PPP1R15B: variants seen among roughly 807,000 people sequenced by gnomAD.
PPP1R15B encodes the protein protein phosphatase 1, regulatory (inhibitor) subunit 15B.
In PPP1R15B, 31 loss-of-function variants were observed where a neutral mutation model predicts 53.9. The observed-to-expected ratio is 0.58, with a 90% CI of 0.43 to 0.78. The LOEUF (loss-of-function observed/expected upper bound fraction) is 0.78. Ranked by LOEUF, PPP1R15B falls within the 30% of genes least tolerant of loss-of-function variation. PPP1R15B has a pLI of 0.00. For missense variants in PPP1R15B, 928 were observed against 849.6 expected (o/e 1.09, Z -1.15); for synonymous variants, 345 against 329.1 (o/e 1.05, Z -0.52).
In PPP1R15B at chr1:204,404,568, T is replaced by C. The variant is rs1674234066; in HGVS notation, c.*1524A>G. ...AGCTTTTATAGTGTTGCATTCTCAA[T>C]GTGTTTAATTATGAATATATAAACA... On this transcript the variant is annotated 3_prime_UTR_variant, in exon 2 of 2. Transcript: ENST00000367188. 1 of 985,286 alleles carries C rather than the reference T, an allele frequency of 1.0e-6. No individual in the cohort carries two copies. The highest frequency in any genetic ancestry group is 1.7e-5 in the African/African-American group (1 of 57,212). The allele number at this position is 985,286 out of a possible 1,614,324, so 61.0% of individuals were successfully genotyped here. A position where few individuals can be genotyped will look rare whatever the true frequency, so the allele number is the denominator to read the frequency against.
chr1:204,402,226 A>C (rs1674189801), downstream of PPP1R15B, among the ~76,000 whole-genome samples: 1 of 152,222 alleles, frequency 6.6e-6, no homozygotes, highest in Non-Finnish European at 1.5e-5. Context: ...ATATATCTTA[A>C]TAACTTTTCT....
At chr1:204,402,717 T>C (rs1316530098), downstream of PPP1R15B, among the ~76,000 whole-genome samples, 1 of 147,912 alleles carries the variant, frequency 6.8e-6, no homozygotes, top group East Asian at 2.2e-4. Flanking sequence ...CCACCATACC[T>C]GGCCCACTTT....
At chr1:204,408,502 G>A (rs1020959139) in intron 1 of PPP1R15B, among the ~76,000 whole-genome samples, 2 of 152,172 alleles carry the variant, frequency 1.3e-5, no homozygotes, top group Non-Finnish European at 2.9e-5. Context: ...TTATGGTACT[G>A]TCCATTTGAA....
downstream of PPP1R15B, among the ~76,000 whole-genome samples, chr1:204,399,172 A>C (rs1300243957): frequency 2.0e-5 from 3 of 152,214 alleles, no homozygotes; most frequent in Admixed American, 2.0e-4. Flanking sequence ...TCACACATGT[A>C]ATCCCAGCAC....
rs752987530 is a variant in PPP1R15B, at chr1:204,411,169, C to T, written c.243G>A (p.Val81=). The change falls in exon 1 of 2, where the codon GTG becomes GTA. Residue 81 remains valine, a synonymous_variant. Transcript: ENST00000367188. ...LAPLPGLLQK[V]LIWSQLFGGM... ...CACCGAAAAGTTGGCTCCAAATTAG[C>T]ACCTTCTGAAGCAATCCGGGGAGCG... 88 of 1,614,112 alleles carry T rather than the reference C, an allele frequency of 5.5e-5. No individual in the cohort carries two copies. The highest frequency in any genetic ancestry group is 2.7e-5 in the African/African-American group (2 of 74,932).
chr1:204,403,938 G>A lies in PPP1R15B; in HGVS notation c.*2154C>T. 7 of 985,412 alleles carry A rather than the reference G, an allele frequency of 7.1e-6. No homozygotes were observed. The highest frequency in any genetic ancestry group is 8.4e-6 in the Non-Finnish European group (7 of 829,900). The allele number at this position is 985,412 out of a possible 1,614,324, so 61.0% of individuals were successfully genotyped here. On this transcript the variant is annotated 3_prime_UTR_variant, in exon 2 of 2. Transcript: ENST00000367188. Reference sequence around the variant, plus strand: ...TTTGGTAGTGAGGTTAGAATCCCATGGGGAACAATTTTCCAAAATCCAATG... The same window carrying A: ...TTTGGTAGTGAGGTTAGAATCCCATAGGGAACAATTTTCCAAAATCCAATG...
At chr1:204,403,302 T>C (rs1674208786), downstream of PPP1R15B, 4 of 484,464 alleles carry the variant, frequency 8.3e-6, no homozygotes, top group Non-Finnish European at 8.1e-6. Flanking sequence ...TTTGCAATTA[T>C]ACTAATCCTG....
At chr1:204,406,709 G>A (rs184415837) in intron 1 of PPP1R15B, among the ~76,000 whole-genome samples, 37 of 150,858 alleles carry the variant, frequency 2.5e-4, no homozygotes, top group Admixed American at 7.3e-4. Context: ...CCAATATCGC[G>A]CCACTACACT....
downstream of PPP1R15B, chr1:204,400,906 T>C (rs1022867360): frequency 2.5e-5 from 5 of 199,970 alleles, no homozygotes; most frequent in Non-Finnish European, 3.6e-5. Flanking sequence ...ACCTGAAAAA[T>C]TGTTCCAAAG....
At chr1:204,398,600 T>C (rs935906490), downstream of PPP1R15B, among the ~76,000 whole-genome samples, 3 of 152,178 alleles carry the variant, frequency 2.0e-5, no homozygotes, top group African/African-American at 7.2e-5. Flanking sequence ...CAGGCAGGCC[T>C]GGAATGGGCA....
At chr1:204,396,841 A>G (rs1419629399), downstream of PPP1R15B, among the ~76,000 whole-genome samples, 1 of 152,216 alleles carries the variant, frequency 6.6e-6, no homozygotes, top group Non-Finnish European at 1.5e-5. Flanking sequence ...GTGAGGAGGA[A>G]TAAGTTCAAG....
rs1292183363 is a variant in PPP1R15B, at chr1:204,407,074, A to G, written c.1921-761T>C. On this transcript the variant is annotated intron_variant, in intron 1 of 1. Coordinates refer to ENST00000367188, the MANE Select transcript of PPP1R15B (RefSeq NM_032833.5). ...CAAAATATTTCTGAAAATAACCACT[A>G]TATCCCTGGAAGTCACTGTTTTTAT... is the stretch of plus-strand genomic sequence containing the variant. Among the ~76,000 whole-genome samples, 3 of 152,304 alleles carry G rather than the reference A, an allele frequency of 2.0e-5. No homozygotes were observed. In the East Asian group the frequency reaches 5.8e-4, roughly 29 times the overall value.
At chr1:204,406,350 G>T in intron 1 of PPP1R15B, 37 bp from the exon 2 acceptor site, 1 of 1,606,538 alleles carries the variant, frequency 6.2e-7, no homozygotes, top group Non-Finnish European at 8.5e-7. Flanking sequence ...AACTGTCTAG[G>T]ATCTTACAAT....
At chr1:204,408,771 G>A (rs2103446518) in intron 1 of PPP1R15B, among the ~76,000 whole-genome samples, 1 of 152,290 alleles carries the variant, frequency 6.6e-6, no homozygotes, top group Admixed American at 6.5e-5. Context: ...GACTAGCCTG[G>A]GAAAAGGAAG....
At chr1:204,407,006 A>C (rs767177839) in intron 1 of PPP1R15B, among the ~76,000 whole-genome samples, 2 of 152,018 alleles carry the variant, frequency 1.3e-5, no homozygotes, top group Non-Finnish European at 2.9e-5. Flanking sequence ...TTTAATCCTT[A>C]GGGAAATACA....
At position 204,410,730 on chromosome 1, in the gene PPP1R15B, G is replaced by C; in HGVS notation, c.682C>G (p.Leu228Val). Residue 228 changes from leucine (L) to valine (V), a missense_variant, in exon 1 of 2, where the codon CTG (leucine) becomes GTG (valine). Physicochemically the swap from Leu to Val is conservative, Grantham distance 32. Transcript: ENST00000367188. ...VVSYLLNPSY[L>V]DCFPRLEVSY... is the part of the protein sequence containing the mutation. The stretch of plus-strand genomic sequence containing the variant: ...ACTTCTAGCCTAGGAAAGCAGTCCA[G>C]GTAGGAAGGGTTCAGCAAATAGGAT... 6.2e-7 allele frequency: 1 copy of C among 1,614,160 alleles called. No individual in the cohort carries two copies. Among genetic ancestry groups the C allele is most frequent in the Non-Finnish European group, 8.5e-7 (1 of 1,180,016 alleles).
In PPP1R15B at chr1:204,411,718, G is replaced by A. The variant is rs529450770; in HGVS notation, c.-307C>T. 6 of 461,202 alleles carry A rather than the reference G, an allele frequency of 1.3e-5. No homozygotes were observed. The highest frequency in any genetic ancestry group is 9.9e-5 in the African/African-American group (5 of 50,554). The allele number at this position is 461,202 out of a possible 1,614,324, so 28.6% of individuals were successfully genotyped here. On this transcript the variant is annotated 5_prime_UTR_variant, in exon 1 of 2. Transcript: ENST00000367188. ...ATAGGAGTCCCCCCACGGCCTCGGC[G>A]ATGGTTTTCCGACTGACAGAGGGTT...
chr1:204,401,650 A>G (rs1175812339), downstream of PPP1R15B, among the ~76,000 whole-genome samples: 1 of 152,222 alleles, frequency 6.6e-6, no homozygotes, highest in Non-Finnish European at 1.5e-5. Flanking sequence ...AGTCCAAATG[A>G]AGTCTCCAAA....
intron 1 of PPP1R15B, among the ~76,000 whole-genome samples, chr1:204,406,992 A>G (rs1167410242): frequency 6.6e-6 from 1 of 151,812 alleles, no homozygotes. Context: ...AACCCCTGCT[A>G]TTTTTTAATC....
Sources: gnomAD v4.1 joint callset for allele counts (sites outside exome capture counted in the v4.1 genomes callset) on GRCh38, gnomAD v4.1.1 for gene constraint, MANE v1.5 for transcripts, NCBI Gene and HGNC (gene_info 2026-07-23, HGNC 2026-07-21) for gene names.